IARS2: variants seen among roughly 807,000 people sequenced by gnomAD.
IARS2 encodes the protein isoleucyl-tRNA synthetase 2, mitochondrial.
Under a neutral mutation model 126.3 loss-of-function variants are expected in IARS2, and 56 were observed. The ratio of observed to expected loss-of-function variants is 0.44; its 90% CI spans 0.36 to 0.55. IARS2 has a LOEUF of 0.55. IARS2 is among the 20% of genes least tolerant of loss of function. IARS2 has a pLI of 0.00. For synonymous variants in IARS2, 407 were observed against 441.1 expected (o/e 0.92, Z 0.97); for missense variants, 1,127 against 1,245.9 (o/e 0.90, Z 1.44).
intron 14 of IARS2, among the ~76,000 whole-genome samples, chr1:220,129,178 G>T (rs917084489): frequency 6.6e-6 from 1 of 152,062 alleles, no homozygotes; most frequent in Non-Finnish European, 1.5e-5. Context: ...CACCGCACCC[G>T]TCCAGAGTGT....
rs771989646 is a variant in IARS2, at chr1:220,117,943, G to A, written c.1640+3469G>A. 5 of 510,392 alleles carry A rather than the reference G, an allele frequency of 9.8e-6. No homozygotes were observed. The East Asian group carries it at 2.2e-4, about 22-fold the overall frequency. The allele number at this position is 510,392 out of a possible 1,614,324, so 31.6% of individuals were successfully genotyped here. On this transcript the variant is annotated intron_variant, in intron 12 of 22. Coordinates refer to ENST00000366922, the MANE Select transcript of IARS2 (RefSeq NM_018060.4). ...CTGTCAATTCATAGGTCATTTTCCT[G>A]TATACCATTTCTGAATGATGACTTT... is the stretch of plus-strand genomic sequence containing the variant.
intron 14 of IARS2, among the ~76,000 whole-genome samples, chr1:220,133,706 C>T (rs1446900918): frequency 6.6e-6 from 1 of 152,166 alleles, no homozygotes; most frequent in Non-Finnish European, 1.5e-5. Flanking sequence ...AGAATTACAG[C>T]ATGCTCTTCA....
At chr1:220,116,253 G>A (rs949368513) in intron 12 of IARS2, among the ~76,000 whole-genome samples, 3 of 152,260 alleles carry the variant, frequency 2.0e-5, no homozygotes, top group Admixed American at 6.5e-5. Flanking sequence ...CACTTAGTAC[G>A]TGTCAGTGCT....
At chr1:220,136,027 A>G (rs1038432590) in intron 15 of IARS2, among the ~76,000 whole-genome samples, 3 of 152,182 alleles carry the variant, frequency 2.0e-5, no homozygotes, top group Admixed American at 6.5e-5. Flanking sequence ...AAATCAGTAC[A>G]TAGCAGAAGC....
chr1:220,105,906 A>G lies in IARS2; in HGVS notation c.1082A>G (p.Asn361Ser), dbSNP rs1281532324. 1.2e-6 allele frequency: 2 copies of G among 1,611,940 alleles called. No individual in the cohort carries two copies. The highest frequency in any genetic ancestry group is 1.1e-5 in the South Asian group (1 of 90,948). The change falls in exon 9 of 23, where the codon AAT (asparagine) becomes AGT (serine). Residue 361 changes from asparagine to serine, a missense_variant. By Grantham distance (46) the Asn-to-Ser change is conservative (BLOSUM62 1). Coordinates refer to ENST00000366922, the MANE Select transcript of IARS2 (RefSeq NM_018060.4). The part of the protein sequence containing the change: ...ISTLSGVDLE[N>S]GTCSHPLIPD... ...TTCCCCACAGGTGTAGATTTGGAAA[A>G]TGGTACTTGCAGTCATCCATTAATT...
chr1:220,145,421 A>C, intron 21 of IARS2, 88 bp from the exon 22 acceptor site: 1 of 1,260,160 alleles, frequency 7.9e-7, no homozygotes. Context: ...TCCTCTCTAA[A>C]CGTGAGATTT....
intron 10 of IARS2, among the ~76,000 whole-genome samples, chr1:220,107,855 C>G (rs1453509070): frequency 6.6e-6 from 1 of 152,150 alleles, no homozygotes; most frequent in African/African-American, 2.4e-5. Flanking sequence ...TGGTTTATAA[C>G]TGCGTTACTC....
intron 17 of IARS2, among the ~76,000 whole-genome samples, chr1:220,138,702 G>A (rs960786731): frequency 1.3e-5 from 2 of 151,692 alleles, no homozygotes; most frequent in Non-Finnish European, 2.9e-5. Context: ...ACATTATTCT[G>A]ACCCACACAC....
intron 10 of IARS2, among the ~76,000 whole-genome samples, chr1:220,107,941 C>G (rs1656714835): frequency 6.6e-6 from 1 of 152,192 alleles, no homozygotes; most frequent in African/African-American, 2.4e-5. Flanking sequence ...CTTTCTCACT[C>G]AGGTTGATGT....
At chr1:220,144,622 C>CT (rs1275796856) in intron 21 of IARS2, among the ~76,000 whole-genome samples, 1 of 152,128 alleles carries the variant, frequency 6.6e-6, no homozygotes, top group Admixed American at 6.5e-5. Flanking sequence ...GTAACACAGC[C>CT]TAGTCCTGGC....
chr1:220,146,062 A>G lies in IARS2; in HGVS notation c.2896+409A>G, dbSNP rs903992669. Among the ~76,000 whole-genome samples the G allele has an allele frequency of 1.1e-4, 16 of 152,292 alleles. No homozygotes were observed. The South Asian group carries it at 1.5e-3, about 14-fold the overall frequency. On this transcript the variant is annotated intron_variant, in intron 22 of 22. Coordinates refer to ENST00000366922, the MANE Select transcript of IARS2 (RefSeq NM_018060.4). ...TTTCCTATTATGTATACCCCGGATT[A>G]AAATATTTAGCCATTCTTGTGAGGG...
chr1:220,142,906 T>C, intron 20 of IARS2, 38 bp from the exon 21 acceptor site: 1 of 1,464,224 alleles, frequency 6.8e-7, no homozygotes, highest in Non-Finnish European at 9.4e-7. Context: ...CAGTTTAGGA[T>C]GTTTGTAAAG....
At chr1:220,105,033 G>T (rs1656651348) in intron 8 of IARS2, among the ~76,000 whole-genome samples, 1 of 152,158 alleles carries the variant, frequency 6.6e-6, no homozygotes, top group Non-Finnish European at 1.5e-5. Context: ...TATGTCAGAG[G>T]CAGGAAAGGA....
chr1:220,101,824 C>T lies in IARS2; in HGVS notation c.551-305C>T, dbSNP rs181411611. ...GACCATCCTGGCTGACACAGTGAAA[C>T]CCCGTCTCTACTAAAACTACAAAAA... is the stretch of plus-strand genomic sequence containing the variant. On this transcript the variant is annotated intron_variant, in intron 3 of 22. Transcript: ENST00000366922. 7.1e-3 allele frequency among the ~76,000 whole-genome samples: 1,074 copies of T among 152,176 alleles called. 7 individuals are homozygous for T. The highest frequency in any genetic ancestry group is 0.013 in the Non-Finnish European group (858 of 68,016).
intron 13 of IARS2, among the ~76,000 whole-genome samples, chr1:220,126,300 A>G (rs942811954): frequency 6.6e-6 from 1 of 152,070 alleles, no homozygotes; most frequent in Non-Finnish European, 1.5e-5. Flanking sequence ...CAAAAAGTGT[A>G]GTATTTAATA....
At position 220,147,497 on chromosome 1, in the gene IARS2, T is replaced by C; in HGVS notation, c.2901T>C (p.Gly967=). Reference sequence around the variant, plus strand: ...TCTTCATGTATTTTTTTATAGGTGGTGATATTCGTGAAGAGTCTTCCTATA... The same window carrying C: ...TCTTCATGTATTTTTTTATAGGTGGCGATATTCGTGAAGAGTCTTCCTATA... The part of the protein sequence containing the change: ...KGKFLINLEG[G]DIREESSYKV... Residue 967 remains glycine (G), a synonymous_variant, in exon 23 of 23, where the codon GGT becomes GGC. Coordinates refer to ENST00000366922, the MANE Select transcript of IARS2 (RefSeq NM_018060.4). 6.2e-7 allele frequency: 1 copy of C among 1,613,908 alleles called. No individual in the cohort carries two copies. The highest frequency in any genetic ancestry group is 8.5e-7 in the Non-Finnish European group (1 of 1,179,820).
intron 12 of IARS2, among the ~76,000 whole-genome samples, chr1:220,119,691 A>G (rs1656998252): frequency 1.3e-5 from 2 of 152,124 alleles, no homozygotes; most frequent in African/African-American, 2.4e-5. Flanking sequence ...GGATATGTAT[A>G]TAAGATGTCC....
chr1:220,098,089 A>G (rs139494068), intron 2 of IARS2, among the ~76,000 whole-genome samples: 2,285 of 151,180 alleles, frequency 0.015, 27 homozygotes, highest in Middle Eastern at 0.058. Context: ...TGGTTTCACC[A>G]TGTTAGCCAG....
At chr1:220,121,117 T>C (rs1026403719) in intron 12 of IARS2, among the ~76,000 whole-genome samples, 4 of 152,216 alleles carry the variant, frequency 2.6e-5, no homozygotes, top group Non-Finnish European at 5.9e-5. Context: ...ATCTGAAGTA[T>C]GTTGTTTTAT....
Sources: gnomAD v4.1 joint callset for allele counts (sites outside exome capture counted in the v4.1 genomes callset) on GRCh38, gnomAD v4.1.1 for gene constraint, MANE v1.5 for transcripts, NCBI Gene and HGNC (gene_info 2026-07-23, HGNC 2026-07-21) for gene names.